The following IL7 variants were observed in gnomAD, a reference collection of about 807,000 sequenced individuals.
IL7 encodes the protein interleukin 7.
IL7 carries 3 observed loss-of-function variants against 21.6 expected under a neutral mutation model. The observed-to-expected ratio is 0.14, with a 90% CI of 0.06 to 0.36. IL7 has a LOEUF of 0.36. IL7 is among the 10% of genes least tolerant of loss of function. The pLI is 1.00. For missense variants in IL7, 175 were observed against 200.2 expected (o/e 0.87, Z 0.76); for synonymous variants, 62 against 68.1 (o/e 0.91, Z 0.44).
chr8:78,759,802 A>C (rs192288679), intron 2 of IL7, among the ~76,000 whole-genome samples: 161 of 152,306 alleles, frequency 1.1e-3, no homozygotes, highest in Admixed American at 2.3e-3. Context: ...TCTTCAAAAT[A>C]TATTTTTTCA....
At chr8:78,753,758 A>G (rs1044220869) in intron 2 of IL7, among the ~76,000 whole-genome samples, 3 of 152,076 alleles carry the variant, frequency 2.0e-5, no homozygotes, top group African/African-American at 7.2e-5. Flanking sequence ...GTTCTAAGGC[A>G]TAAGGAAGGG....
chr8:78,723,714 C>G (rs1563645931), intron 3 of IL7: 1 of 172,742 alleles, frequency 5.8e-6, no homozygotes. Flanking sequence ...AGAGATCATT[C>G]TATACATGTA....
chr8:78,699,549 G>A (rs1025815797), intron 3 of IL7, among the ~76,000 whole-genome samples: 2 of 152,078 alleles, frequency 1.3e-5, no homozygotes, highest in Admixed American at 6.5e-5. Flanking sequence ...TTTGTTGTAT[G>A]CATTATTTCA....
At chr8:78,743,804 T>C (rs537662281) in intron 2 of IL7, among the ~76,000 whole-genome samples, 1 of 152,162 alleles carries the variant, frequency 6.6e-6, no homozygotes, top group Admixed American at 6.5e-5. Flanking sequence ...ACCTTTTTTT[T>C]TCCCCCTGGC....
At chr8:78,694,745 T>A (rs1810343536) in intron 3 of IL7, among the ~76,000 whole-genome samples, 1 of 152,186 alleles carries the variant, frequency 6.6e-6, no homozygotes, top group Non-Finnish European at 1.5e-5. Context: ...ATTTCATTAG[T>A]CATTAGTCTT....
chr8:78,792,680 G>T (rs947339133), intron 2 of IL7, among the ~76,000 whole-genome samples: 3 of 151,984 alleles, frequency 2.0e-5, no homozygotes, highest in African/African-American at 7.2e-5. Context: ...ATGAAAAGAT[G>T]CTTGACATCA....
At chr8:78,734,754 A>G (rs16906045) in intron 5 of IL7, among the ~76,000 whole-genome samples, 2,467 of 152,286 alleles carry the variant, frequency 0.016, 58 homozygotes, top group African/African-American at 0.056. Flanking sequence ...TCTCTCAGTC[A>G]TATATTGTGC....
intron 3 of IL7, among the ~76,000 whole-genome samples, chr8:78,708,841 C>A (rs1028531703): frequency 6.6e-6 from 1 of 152,014 alleles, no homozygotes; most frequent in African/African-American, 2.4e-5. Context: ...CCATGTCTGG[C>A]TAATTTTGAA....
chr8:78,696,426 G>A (rs547316117), intron 3 of IL7, among the ~76,000 whole-genome samples: 4 of 152,172 alleles, frequency 2.6e-5, no homozygotes, highest in Non-Finnish European at 5.9e-5. Context: ...TATGGTTGAA[G>A]CATTGGGCTA....
intron 4 of IL7, among the ~76,000 whole-genome samples, chr8:78,676,866 G>A (rs1809598718): frequency 6.6e-6 from 1 of 151,676 alleles, no homozygotes; most frequent in African/African-American, 2.4e-5. Flanking sequence ...TTAACTTAAT[G>A]ATGTTATTAT....
At chr8:78,773,948 G>A (rs2130793542) in intron 2 of IL7, among the ~76,000 whole-genome samples, 1 of 152,116 alleles carries the variant, frequency 6.6e-6, no homozygotes, top group Non-Finnish European at 1.5e-5. Flanking sequence ...CTGAATGAAG[G>A]TACTGGCTCC....
At chr8:78,782,536 T>TG (rs925902505) in intron 2 of IL7, among the ~76,000 whole-genome samples, 12 of 152,248 alleles carry the variant, frequency 7.9e-5, no homozygotes, top group Middle Eastern at 6.8e-3. Flanking sequence ...CTCCCACCCC[T>TG]GGGGGTGTCA....
At chr8:78,704,772 CT>C (rs1371165345) in intron 3 of IL7, among the ~76,000 whole-genome samples, 12 of 152,244 alleles carry the variant, frequency 7.9e-5, no homozygotes, top group Admixed American at 5.9e-4. Context: ...TAATGTCACA[CT>C]TCTTGGAGCT....
chr8:78,750,347 A>C (rs937949484), intron 2 of IL7, among the ~76,000 whole-genome samples: 1 of 152,164 alleles, frequency 6.6e-6, no homozygotes, highest in African/African-American at 2.4e-5. Flanking sequence ...GTATTGTGAC[A>C]TCACTAAAGG....
At chr8:78,700,762 T>G (rs1157941652) in intron 3 of IL7, among the ~76,000 whole-genome samples, 1 of 152,234 alleles carries the variant, frequency 6.6e-6, no homozygotes, top group Non-Finnish European at 1.5e-5. Flanking sequence ...AAATAGGGAA[T>G]CCTTTTTCCA....
chr8:78,689,816 T>C (rs1282025399), intron 3 of IL7, among the ~76,000 whole-genome samples: 5 of 152,242 alleles, frequency 3.3e-5, no homozygotes, highest in Non-Finnish European at 5.9e-5. Flanking sequence ...AAAATGTGAT[T>C]AAGTCCAATT....
At chr8:78,680,308 A>AG (rs1371441241) in intron 4 of IL7, among the ~76,000 whole-genome samples, 1 of 121,674 alleles carries the variant, frequency 8.2e-6, no homozygotes, top group Non-Finnish European at 1.8e-5. Flanking sequence ...AAAAAAAAAA[A>AG]AAAAAAAGCA....
chr8:78,742,913 T>A (rs576620492), intron 2 of IL7, among the ~76,000 whole-genome samples: 2 of 152,246 alleles, frequency 1.3e-5, no homozygotes, highest in African/African-American at 4.8e-5. Context: ...CCAGTGTGTA[T>A]TGTTCCCCTG....
rs574877288 is a variant in IL7, at chr8:78,744,117, C to T, written c.148-4035G>A. On this transcript the variant is annotated intron_variant, in intron 2 of 5. Coordinates refer to ENST00000263851, the MANE Select transcript of IL7 (RefSeq NM_000880.4). ...TGGCCATGCTTTTGTAGAGCAGCTG[C>T]GCAGTGCTGGGGTAACGCTTCACCG... is the stretch of plus-strand genomic sequence containing the variant. 7.9e-5 allele frequency among the ~76,000 whole-genome samples: 12 copies of T among 151,538 alleles called. No homozygotes were observed. The South Asian group carries it at 1.5e-3, about 19-fold the overall frequency.
Sources: allele counts gnomAD v4.1 joint callset (sites outside exome capture counted in the v4.1 genomes callset), GRCh38; gene constraint gnomAD v4.1.1; transcripts MANE v1.5; gene names NCBI Gene and HGNC (gene_info 2026-07-23, HGNC 2026-07-21).